The following MAF variants were observed in gnomAD, a reference collection of about 807,000 sequenced individuals.
The protein encoded by MAF is MAF bZIP transcription factor.
MAF carries 10 observed loss-of-function variants against 22.0 expected under a neutral mutation model. The observed-to-expected ratio is 0.45, with a 90% confidence interval of 0.28 to 0.77. MAF has a LOEUF of 0.77. Ranked by LOEUF, MAF falls within the 30% of genes least tolerant of loss-of-function variation. The probability of loss-of-function intolerance (pLI) is 0.12; values close to 1 mark genes in which losing one functional copy is unlikely to be tolerated. For synonymous variants in MAF, 337 were observed against 255.8 expected (o/e 1.32, Z -3.03); for missense variants, 544 against 548.4 (o/e 0.99, Z 0.08).
the MAF span, among the ~76,000 whole-genome samples, chr16:79,447,727 G>C: frequency 6.6e-6 from 1 of 151,876 alleles, no homozygotes; most frequent in Non-Finnish European, 1.5e-5. Flanking sequence ...AAGGGTTCCA[G>C]ACTTTAACTG....
At chr16:79,301,352 T>A in the MAF span, among the ~76,000 whole-genome samples, 1 of 152,038 alleles carries the variant, frequency 6.6e-6, no homozygotes, top group Non-Finnish European at 1.5e-5. Context: ...GGATTGTAAG[T>A]GTGCCTCCAT....
chr16:79,204,487 A>G, the MAF span: 1 of 152,208 alleles, frequency 6.6e-6, no homozygotes, highest in Non-Finnish European at 1.5e-5. Context: ...AAGATAAAAT[A>G]ATTCTGAATG....
chr16:79,409,214 G>GA, the MAF span, among the ~76,000 whole-genome samples: 3 of 151,922 alleles, frequency 2.0e-5, no homozygotes, highest in South Asian at 2.1e-4. Context: ...ACTTCAAATA[G>GA]AAAAAAACAA....
chr16:79,417,937 G>A, the MAF span, among the ~76,000 whole-genome samples: 1 of 152,130 alleles, frequency 6.6e-6, no homozygotes, highest in East Asian at 1.9e-4. Flanking sequence ...GGGGTCCTCT[G>A]CTTCACCCCG....
At chr16:79,283,486 C>T in the MAF span, among the ~76,000 whole-genome samples, 1 of 152,002 alleles carries the variant, frequency 6.6e-6, no homozygotes, top group Admixed American at 6.6e-5. Context: ...ATTTGTAGTC[C>T]CAAATTCTAC....
the MAF span, among the ~76,000 whole-genome samples, chr16:79,325,430 T>C: frequency 6.6e-6 from 1 of 152,118 alleles, no homozygotes; most frequent in African/African-American, 2.4e-5. Flanking sequence ...ATCGTGTCTT[T>C]ACCCAGGAGG....
chr16:79,390,360 G>T, the MAF span, among the ~76,000 whole-genome samples: 1 of 152,122 alleles, frequency 6.6e-6, no homozygotes, highest in South Asian at 2.1e-4. Context: ...AATCACTCCT[G>T]CCAAAGCTTG....
chr16:79,286,751 T>C, the MAF span, among the ~76,000 whole-genome samples: 4 of 152,118 alleles, frequency 2.6e-5, no homozygotes, highest in Non-Finnish European at 5.9e-5. Context: ...TGCCCACACG[T>C]CCACCCGTTC....
chr16:79,472,740 T>C, the MAF span, among the ~76,000 whole-genome samples: 1 of 152,084 alleles, frequency 6.6e-6, no homozygotes, highest in Non-Finnish European at 1.5e-5. Context: ...GCCCATTAAA[T>C]GTCACACTTT....
the MAF span, among the ~76,000 whole-genome samples, chr16:79,445,777 C>T: frequency 2.6e-5 from 4 of 152,210 alleles, no homozygotes; most frequent in Admixed American, 6.5e-5. Flanking sequence ...TTCCAATTCC[C>T]GGAGGCCCTT....
At chr16:79,283,581 T>C in the MAF span, among the ~76,000 whole-genome samples, 2 of 152,134 alleles carry the variant, frequency 1.3e-5, no homozygotes, top group African/African-American at 4.8e-5. Context: ...ATTAAAAAGA[T>C]CTCTTAAAAA....
chr16:79,562,321 G>C, the MAF span, among the ~76,000 whole-genome samples: 5 of 152,134 alleles, frequency 3.3e-5, no homozygotes, highest in African/African-American at 4.8e-5. Context: ...TGTTCCCATT[G>C]ATAGTCCCAG....
At chr16:79,412,002 G>T in the MAF span, among the ~76,000 whole-genome samples, 1 of 152,278 alleles carries the variant, frequency 6.6e-6, no homozygotes, top group Non-Finnish European at 1.5e-5. Flanking sequence ...CCACGATAAT[G>T]ACTCACTTTG....
At chr16:79,390,952 C>T in the MAF span, among the ~76,000 whole-genome samples, 3 of 152,176 alleles carry the variant, frequency 2.0e-5, no homozygotes, top group African/African-American at 7.2e-5. Flanking sequence ...TACTGTCTCT[C>T]AGCCCTCAAG....
chr16:79,255,950 CTTTTCTTTTCTTTTCTT>C, the MAF span, among the ~76,000 whole-genome samples: 1 of 84,646 alleles, frequency 1.2e-5, no homozygotes, highest in Admixed American at 1.0e-4. Flanking sequence ...ATGTCTTTAT[CTTTTCTTTTCTTTTCTT>C]TTTTCTTTTC....
At chr16:79,212,071 G>T in the MAF span, 7 of 1,536,276 alleles carry the variant, frequency 4.6e-6, no homozygotes, top group African/African-American at 6.8e-5. Context: ...TGGTGTGTAG[G>T]TTCCGTATCT....
the MAF span, among the ~76,000 whole-genome samples, chr16:79,508,174 G>A: frequency 6.6e-6 from 1 of 152,246 alleles, no homozygotes; most frequent in South Asian, 2.1e-4. Context: ...ACTGTGCAGG[G>A]GATAATTCTG....
the MAF span, among the ~76,000 whole-genome samples, chr16:79,515,088 C>T: frequency 1.3e-5 from 2 of 152,224 alleles, no homozygotes; most frequent in African/African-American, 4.8e-5. Flanking sequence ...AAAATGTCTA[C>T]CTCATCCAGG....
chr16:79,359,262 G>A, the MAF span, among the ~76,000 whole-genome samples: 2 of 152,154 alleles, frequency 1.3e-5, no homozygotes, highest in Admixed American at 6.5e-5. Flanking sequence ...GTACCCCAAA[G>A]GGCACATCTT....
Sources: allele counts gnomAD v4.1 joint callset (sites outside exome capture counted in the v4.1 genomes callset), GRCh38; gene constraint gnomAD v4.1.1; transcripts MANE v1.5; gene names NCBI Gene and HGNC (gene_info 2026-07-23, HGNC 2026-07-21).